INSR: variants seen among roughly 807,000 people sequenced by gnomAD.
The protein encoded by INSR is IR.
A neutral mutation model predicts 142.6 loss-of-function variants in INSR; 67 were observed. The observed-to-expected ratio is 0.47, with a 90% CI of 0.39 to 0.58. INSR has a LOEUF of 0.58. Ranked by LOEUF, INSR falls within the 20% of genes least tolerant of loss-of-function variation. The pLI, the probability that INSR is intolerant of heterozygous loss-of-function variation, is 0.00. For synonymous variants in INSR, 756 were observed against 743.1 expected, an observed-to-expected ratio of 1.02 and a Z score of -0.28; for missense variants, 1,248 against 1,833.2, an observed-to-expected ratio of 0.68 and a Z score of 5.83.
intron 2 of INSR, among the ~76,000 whole-genome samples, chr19:7,237,836 T>A: frequency 6.8e-6 from 1 of 146,004 alleles, no homozygotes; most frequent in African/African-American, 2.6e-5. Context: ...ATAAATAAAA[T>A]TAAATTAAAT....
intron 1 of INSR, among the ~76,000 whole-genome samples, chr19:7,292,477 G>GGC (rs981246318): frequency 6.0e-5 from 9 of 150,030 alleles, no homozygotes; most frequent in Non-Finnish European, 7.4e-5. Context: ...GGCTGGGGGG[G>GGC]GGTGGGCCCG....
At chr19:7,206,726 C>T (rs1975114428) in intron 2 of INSR, among the ~76,000 whole-genome samples, 2 of 152,246 alleles carry the variant, frequency 1.3e-5, no homozygotes, top group Admixed American at 6.5e-5. Context: ...GCAGTCCAGC[C>T]TGGGTGGCAG....
chr19:7,250,893 G>A (rs1176681031), intron 2 of INSR, among the ~76,000 whole-genome samples: 1 of 151,920 alleles, frequency 6.6e-6, no homozygotes, highest in Admixed American at 6.6e-5. Context: ...ACTGTCCCAG[G>A]AACGTACGAT....
chr19:7,218,268 T>A (rs1229221101), intron 2 of INSR, among the ~76,000 whole-genome samples: 1 of 151,902 alleles, frequency 6.6e-6, no homozygotes, highest in Non-Finnish European at 1.5e-5. Context: ...GGGATGCTAG[T>A]AAACACCCTA....
chr19:7,208,057 A>AC (rs1043674031), intron 2 of INSR, among the ~76,000 whole-genome samples: 34 of 151,924 alleles, frequency 2.2e-4, no homozygotes, highest in African/African-American at 8.0e-4. Context: ...CAGCCCTTGT[A>AC]CCCCCCAGAA....
At chr19:7,231,308 T>G (rs1356186205) in intron 2 of INSR, among the ~76,000 whole-genome samples, 67 of 149,784 alleles carry the variant, frequency 4.5e-4, no homozygotes, top group Middle Eastern at 6.8e-3. Flanking sequence ...TTTTTTTTTT[T>G]TTTTTTTTTT....
At chr19:7,121,304 ATG>A (rs944305071) in intron 19 of INSR, among the ~76,000 whole-genome samples, 4 of 151,680 alleles carry the variant, frequency 2.6e-5, no homozygotes, top group Admixed American at 2.0e-4. Flanking sequence ...TGGCCAGGAG[ATG>A]TCTTTTTGAG....
chr19:7,250,385 GGGAGAGA>G (rs1287325752), intron 2 of INSR, among the ~76,000 whole-genome samples: 5 of 99,502 alleles, frequency 5.0e-5, no homozygotes, highest in African/African-American at 2.4e-4. Flanking sequence ...GAGAGAGGAA[GGGAGAGA>G]AGGAAGGGAG....
chr19:7,209,467 T>A (rs1975211996), intron 2 of INSR, among the ~76,000 whole-genome samples: 2 of 152,186 alleles, frequency 1.3e-5, no homozygotes, highest in Admixed American at 1.3e-4. Flanking sequence ...TCTTTCTCTG[T>A]CACCCAGGCT....
At chr19:7,226,429 A>C (rs1157214168) in intron 2 of INSR, among the ~76,000 whole-genome samples, 2 of 150,332 alleles carry the variant, frequency 1.3e-5, no homozygotes, top group South Asian at 2.1e-4. Context: ...AAAAAAAAAA[A>C]AAAACAACTC....
chr19:7,203,419 G>A lies in INSR; in HGVS notation c.653-18782C>T, dbSNP rs77788863. Among the ~76,000 whole-genome samples the A allele has an allele frequency of 9.0e-3, 1,370 of 152,208 alleles. 24 individuals carry two copies. The highest frequency in any genetic ancestry group is 0.031 in the African/African-American group (1,267 of 41,522). On this transcript the variant is annotated intron_variant, in intron 2 of 21. Transcript: ENST00000302850. The stretch of plus-strand genomic sequence containing the variant: ...GAAATAGGTATGACAATCTGTAAGC[G>A]GCACAGAGAGAGAGAACCGCAGCCT...
chr19:7,163,556 T>C (rs1973813538), intron 8 of INSR, among the ~76,000 whole-genome samples: 1 of 149,182 alleles, frequency 6.7e-6, no homozygotes, highest in African/African-American at 2.5e-5. Context: ...CAAGAGTCCG[T>C]CTCAAAACAA....
intron 21 of INSR, among the ~76,000 whole-genome samples, chr19:7,118,474 C>T (rs530681475): frequency 2.0e-5 from 3 of 151,900 alleles, no homozygotes; most frequent in South Asian, 4.2e-4. Context: ...CCCACGACCG[C>T]GCCTGGGTAA....
At chr19:7,242,688 G>A (rs1269598133) in intron 2 of INSR, among the ~76,000 whole-genome samples, 1 of 122,474 alleles carries the variant, frequency 8.2e-6, no homozygotes, top group Non-Finnish European at 1.6e-5. Context: ...AGTGAGCCAA[G>A]ATCGCACCAC....
chr19:7,244,880 A>G (rs1181820185), intron 2 of INSR, among the ~76,000 whole-genome samples: 1 of 149,990 alleles, frequency 6.7e-6, no homozygotes, highest in Non-Finnish European at 1.5e-5. Context: ...TTATGTTTTT[A>G]ATTAAATTTT....
Position 7,163,131 on chromosome 19 carries a change from G to A in INSR, c.1930C>T (p.Pro644Ser), listed in dbSNP as rs1973800080. Residue 644 changes from proline (P) to serine (S), a missense_variant, in exon 9 of 22, where the codon CCA becomes TCA. By Grantham distance (74) the Pro-to-Ser change is moderately conservative (BLOSUM62 -1). Transcript: ENST00000302850. ...SSSQIILKWK[P>S]PSDPNGNITH... ...ATGTTGCCATTGGGGTCGGAGGGTG[G>A]TTTCCACTTCAGAATAATCTGGGAT... 1 of 1,614,048 alleles carries A rather than the reference G, an allele frequency of 6.2e-7. No homozygotes were observed. Among genetic ancestry groups the A allele is most frequent in the South Asian group, 1.1e-5 (1 of 91,076 alleles).
intron 2 of INSR, among the ~76,000 whole-genome samples, chr19:7,211,746 G>A (rs543779001): frequency 1.1e-3 from 166 of 152,236 alleles, no homozygotes; most frequent in Non-Finnish European, 1.6e-3. Context: ...AGCTGTCCCC[G>A]TCAACACGGT....
chr19:7,181,874 C>T (rs1664900836), intron 3 of INSR, among the ~76,000 whole-genome samples: 1 of 151,742 alleles, frequency 6.6e-6, no homozygotes, highest in South Asian at 2.1e-4. Flanking sequence ...AGCCACTGTG[C>T]CTGGCCAAGG....
intron 13 of INSR, among the ~76,000 whole-genome samples, chr19:7,132,635 A>C (rs1972815129): frequency 1.4e-5 from 2 of 147,304 alleles, no homozygotes; most frequent in Admixed American, 6.8e-5. Flanking sequence ...CTTGTTGCCC[A>C]GGCTGGAGCG....
Sources: gnomAD v4.1 joint callset for allele counts (sites outside exome capture counted in the v4.1 genomes callset) on GRCh38, gnomAD v4.1.1 for gene constraint, MANE v1.5 for transcripts, NCBI Gene and HGNC (gene_info 2026-07-23, HGNC 2026-07-21) for gene names.